The following CTNNA2 variants were observed in gnomAD, a reference collection of about 807,000 sequenced individuals.
The protein encoded by CTNNA2 is catenin alpha 2, also known as catenin alpha-2.
Under a neutral mutation model 101.0 loss-of-function variants are expected in CTNNA2, and 42 were observed. The ratio of observed to expected loss-of-function variants is 0.42; its 90% CI spans 0.32 to 0.54. The LOEUF is 0.54. CTNNA2 is among the 20% of genes least tolerant of loss of function. The pLI is 0.14. For synonymous variants in CTNNA2, 450 were observed against 456.4 expected, an observed-to-expected ratio of 0.99 and a Z score of 0.18; for missense variants, 871 against 1,223.1, an observed-to-expected ratio of 0.71 and a Z score of 4.29.
intron 6 of CTNNA2, among the ~76,000 whole-genome samples, chr2:79,888,533 G>A (rs17339625): frequency 0.078 from 11,917 of 151,900 alleles, 577 homozygotes; most frequent in Middle Eastern, 0.13. Context: ...TTTCTCTTGC[G>A]CATTTCAATC....
chr2:80,402,387 C>T (rs1215115745), intron 8 of CTNNA2, among the ~76,000 whole-genome samples: 1 of 152,150 alleles, frequency 6.6e-6, no homozygotes, highest in Non-Finnish European at 1.5e-5. Context: ...GCTTCTCTCA[C>T]CTCTCTGGAG....
chr2:80,104,210 G>T (rs1019324625), intron 7 of CTNNA2, among the ~76,000 whole-genome samples: 2 of 152,136 alleles, frequency 1.3e-5, no homozygotes, highest in African/African-American at 4.8e-5. Context: ...TCAAGAGTTG[G>T]TTCTCCACTC....
intron 7 of CTNNA2, among the ~76,000 whole-genome samples, chr2:80,234,571 G>T (rs996706057): frequency 2.0e-5 from 3 of 152,154 alleles, no homozygotes; most frequent in Non-Finnish European, 2.9e-5. Flanking sequence ...GCTATCAAGA[G>T]TTTTTCGGCT....
intron 17 of CTNNA2, among the ~76,000 whole-genome samples, chr2:80,612,641 CCTTTT>C (rs1698559052): frequency 6.6e-6 from 1 of 150,594 alleles, no homozygotes; most frequent in African/African-American, 2.4e-5. Context: ...GCGTTGTGTT[CCTTTT>C]ATTTTTAAAA....
chr2:79,844,979 TACACAC>T (rs59885288), intron 3 of CTNNA2, among the ~76,000 whole-genome samples: 1 of 140,214 alleles, frequency 7.1e-6, no homozygotes, highest in Admixed American at 7.3e-5. Flanking sequence ...GAAAACAAAC[TACACAC>T]ACACACACAC....
chr2:79,591,363 G>C (rs566612777), intron 1 of CTNNA2, among the ~76,000 whole-genome samples: 1 of 152,130 alleles, frequency 6.6e-6, no homozygotes, highest in Non-Finnish European at 1.5e-5. Context: ...CTTGAAGACC[G>C]TATTAAGACA....
intron 7 of CTNNA2, among the ~76,000 whole-genome samples, chr2:80,110,612 G>A (rs1462824870): frequency 6.6e-6 from 1 of 152,152 alleles, no homozygotes; most frequent in African/African-American, 2.4e-5. Context: ...GTCCTTTCCT[G>A]TGGTGTAGGT....
intron 7 of CTNNA2, among the ~76,000 whole-genome samples, chr2:80,062,727 A>G (rs1461829724): frequency 1.3e-4 from 16 of 118,798 alleles, no homozygotes; most frequent in Non-Finnish European, 2.3e-4. Context: ...TTTTTTTGAG[A>G]TGGAGTCTCA....
chr2:79,200,849 T>G (rs984193146), intron 2 of CTNNA2, among the ~76,000 whole-genome samples: 5 of 152,182 alleles, frequency 3.3e-5, no homozygotes, highest in Non-Finnish European at 7.3e-5. Flanking sequence ...CATTACCATA[T>G]TTTAGCAAAG....
chr2:80,453,672 G>A (rs1037162229), intron 9 of CTNNA2, among the ~76,000 whole-genome samples: 8 of 152,172 alleles, frequency 5.3e-5, no homozygotes, highest in Non-Finnish European at 8.8e-5. Context: ...ATCTGTTTGC[G>A]GGGGATCACA....
chr2:79,991,437 G>A (rs1692172820), intron 7 of CTNNA2, among the ~76,000 whole-genome samples: 1 of 151,898 alleles, frequency 6.6e-6, no homozygotes, highest in African/African-American at 2.4e-5. Context: ...CCTTGCGCAG[G>A]TGACTTAATT....
intron 7 of CTNNA2, among the ~76,000 whole-genome samples, chr2:80,100,837 C>T (rs888601995): frequency 6.6e-6 from 1 of 152,230 alleles, no homozygotes; most frequent in Non-Finnish European, 1.5e-5. Flanking sequence ...ACATCTTCCA[C>T]CTCCAGCTTT....
chr2:79,281,529 T>C (rs1675383870), intron 2 of CTNNA2: 1 of 152,236 alleles, frequency 6.6e-6, no homozygotes, highest in African/African-American at 2.4e-5. Context: ...GAACTGCTTT[T>C]TCAACTGTGA....
chr2:79,244,198 A>T (rs998132925), intron 2 of CTNNA2, among the ~76,000 whole-genome samples: 1 of 152,086 alleles, frequency 6.6e-6, no homozygotes, highest in Admixed American at 6.5e-5. Flanking sequence ...TGTAAGTTAC[A>T]TATTTTCTCA....
intron 7 of CTNNA2, among the ~76,000 whole-genome samples, chr2:80,065,393 T>A (rs1277718140): frequency 6.6e-6 from 1 of 151,170 alleles, no homozygotes. Context: ...GGAGTCTTGC[T>A]CTGTCACCAG....
intron 1 of CTNNA2, among the ~76,000 whole-genome samples, chr2:79,190,239 C>T (rs1381791932): frequency 6.6e-6 from 1 of 151,898 alleles, no homozygotes; most frequent in African/African-American, 2.4e-5. Context: ...CTATCTTCTG[C>T]TTGCTCTATC....
chr2:80,106,797 C>A (rs73940945), intron 7 of CTNNA2, among the ~76,000 whole-genome samples: 5,104 of 152,174 alleles, frequency 0.034, 273 homozygotes, highest in African/African-American at 0.12. Context: ...AGGAGAGGCG[C>A]CTGGCGTAAG....
intron 2 of CTNNA2, among the ~76,000 whole-genome samples, chr2:79,728,026 C>G (rs1464148132): frequency 6.6e-6 from 1 of 152,018 alleles, no homozygotes; most frequent in Non-Finnish European, 1.5e-5. Flanking sequence ...TGAATAGTGC[C>G]ACAGTAAACA....
chr2:80,174,736 TTCTC>T (rs2148968574), intron 7 of CTNNA2, among the ~76,000 whole-genome samples: 1 of 152,268 alleles, frequency 6.6e-6, no homozygotes, highest in East Asian at 1.9e-4. Flanking sequence ...TATGTTATCT[TTCTC>T]TCTTTTCCTT....
Sources: gnomAD v4.1 joint callset for allele counts (sites outside exome capture counted in the v4.1 genomes callset) on GRCh38, gnomAD v4.1.1 for gene constraint, MANE v1.5 for transcripts, NCBI Gene and HGNC (gene_info 2026-07-23, HGNC 2026-07-21) for gene names.